Variants in EGF observed in about 807,000 individuals in gnomAD.
EGF encodes the protein epidermal growth factor.
In EGF, 95 loss-of-function variants were observed where a neutral mutation model predicts 143.8. The observed-to-expected ratio is 0.66, with a 90% CI of 0.56 to 0.78. The LOEUF is 0.78. EGF is among the 30% of genes least tolerant of loss of function. EGF has a pLI of 0.00. For synonymous variants in EGF, 510 were observed against 510.5 expected, an observed-to-expected ratio of 1.00 and a Z score of 0.01; for missense variants, 1,320 against 1,470.9, an observed-to-expected ratio of 0.90 and a Z score of 1.68.
chr4:109,913,614 C>G (rs2125914411), intron 1 of EGF, 152 bp downstream of exon 1: 1 of 1,110,480 alleles, frequency 9.0e-7, no homozygotes, highest in East Asian at 2.7e-5. Flanking sequence ...TGTTTATTTT[C>G]TTACTGGCCA....
intron 20 of EGF, among the ~76,000 whole-genome samples, chr4:109,997,001 A>C (rs1267487047): frequency 6.8e-6 from 1 of 147,920 alleles, no homozygotes; most frequent in Non-Finnish European, 1.5e-5. Context: ...TCTACCCTCA[A>C]TTTTTTTTTT....
chr4:109,956,465 A>G (rs1242506818), intron 5 of EGF, among the ~76,000 whole-genome samples: 1 of 152,236 alleles, frequency 6.6e-6, no homozygotes, highest in Non-Finnish European at 1.5e-5. Context: ...GTTAACTTGT[A>G]CAGTTTGTAA....
intron 13 of EGF, among the ~76,000 whole-genome samples, chr4:109,976,627 T>C (rs1411408434): frequency 6.6e-6 from 1 of 152,224 alleles, no homozygotes; most frequent in African/African-American, 2.4e-5. Context: ...ATTAATATAG[T>C]TTCCTCCCCT....
In EGF at chr4:109,943,823, G is replaced by T; in HGVS notation, c.510-19G>T. The T allele has an allele frequency of 6.2e-7, 1 of 1,609,480 alleles. No individual in the cohort carries two copies. The highest frequency in any genetic ancestry group is 8.5e-7 in the Non-Finnish European group (1 of 1,175,794). ...ACTATACATTCATTTTTGGGTCTAT[G>T]TAATGTGTTTGCCCTCAGGTTTATA... is the stretch of plus-strand genomic sequence containing the variant. On this transcript the variant is annotated intron_variant, in intron 3 of 23. Coordinates refer to ENST00000265171, the MANE Select transcript of EGF (RefSeq NM_001963.6).
chr4:109,965,104 C>G (rs1746337046), intron 10 of EGF, among the ~76,000 whole-genome samples: 1 of 152,076 alleles, frequency 6.6e-6, no homozygotes, highest in African/African-American at 2.4e-5. Context: ...CTTAGAATTT[C>G]TGTATCAGCT....
At chr4:109,999,970 G>A (rs1425101788) in intron 21 of EGF, 124 bp downstream of exon 21, 3 of 1,439,838 alleles carry the variant, frequency 2.1e-6, no homozygotes, top group Non-Finnish European at 2.9e-6. Context: ...ACGTGAAATA[G>A]GCTGGGTGCA....
intron 8 of EGF, among the ~76,000 whole-genome samples, chr4:109,962,207 G>T (rs1478690861): frequency 1.3e-5 from 2 of 152,146 alleles, no homozygotes; most frequent in African/African-American, 4.8e-5. Context: ...TATGAGCAAG[G>T]GCTTTGAGGC....
At position 109,983,427 on chromosome 4, in the gene EGF, G is replaced by A; in HGVS notation, c.2377G>A (p.Glu793Lys). The change falls in exon 16 of 24, where the codon GAA (glutamate) becomes AAA (lysine). Residue 793 changes from glutamate (E) to lysine (K), a missense_variant. By Grantham distance (56) the Glu-to-Lys change is moderately conservative. Around this residue, in one of 5 missense-constraint regions of EGF, gnomAD observed 1,186 missense variants for 1,313.7 expected, o/e 0.90. Coordinates refer to ENST00000265171, the MANE Select transcript of EGF (RefSeq NM_001963.6). ...LDGHQLLAGGEVDLKNQVTPL... is the reference protein window; with the variant it reads ...LDGHQLLAGGKVDLKNQVTPL... ...CATCTATTGACCTTCAATAGGTGGT[G>A]AAGTTGATCTAAAGAACCAAGTAAC... The A allele has an allele frequency of 1.2e-6, 2 of 1,613,456 alleles. No homozygotes were observed. The highest frequency in any genetic ancestry group is 1.7e-6 in the Non-Finnish European group (2 of 1,179,690).
intron 16 of EGF, 102 bp from the exon 17 acceptor site, chr4:109,987,642 T>A: frequency 1.1e-6 from 1 of 950,878 alleles, no homozygotes; most frequent in Non-Finnish European, 1.7e-6. Flanking sequence ...TCCCAGAACT[T>A]GGGAAAGGAA....
intron 14 of EGF, 86 bp downstream of exon 14, chr4:109,980,225 G>A (rs550828651): frequency 5.0e-6 from 7 of 1,396,114 alleles, no homozygotes; most frequent in Admixed American, 2.4e-5. Flanking sequence ...TTGGCGGGGG[G>A]GTGGAGGGGA....
chr4:109,931,485 T>A (rs753477415), intron 1 of EGF, among the ~76,000 whole-genome samples: 1 of 152,178 alleles, frequency 6.6e-6, no homozygotes, highest in Admixed American at 6.5e-5. Flanking sequence ...GTTGGAAGTG[T>A]ACTAGATTGC....
At chr4:109,997,296 T>C (rs940368678) in intron 20 of EGF, among the ~76,000 whole-genome samples, 4 of 152,136 alleles carry the variant, frequency 2.6e-5, no homozygotes, top group Non-Finnish European at 5.9e-5. Flanking sequence ...AGGAGCAGTA[T>C]AGGGAGGTTC....
intron 21 of EGF, among the ~76,000 whole-genome samples, chr4:110,000,743 A>G (rs1400177255): frequency 1.3e-5 from 2 of 152,214 alleles, no homozygotes; most frequent in Non-Finnish European, 2.9e-5. Context: ...CTCTATTATC[A>G]TCAATATTGA....
At position 109,960,946 on chromosome 4, in the gene EGF, C is replaced by G. The variant is rs1234170249; in HGVS notation, c.1146C>G (p.Cys382Trp). Reference sequence around the variant, plus strand: ...CCCCTGGATCCTATTACTGCACGTGCCCTGTAGGATTTGTTCTGCTTCCTG... The same window carrying G: ...CCCCTGGATCCTATTACTGCACGTGGCCTGTAGGATTTGTTCTGCTTCCTG... ...KNTPGSYYCT[C>W]PVGFVLLPDG... is the part of the protein sequence containing the mutation. Residue 382 changes from cysteine to tryptophan, a missense_variant, in exon 7 of 24, where the codon TGC becomes TGG. Physicochemically the swap from Cys to Trp is radical, Grantham distance 215. Around this residue, in one of 5 missense-constraint regions of EGF, gnomAD observed 1,186 missense variants for 1,313.7 expected, o/e 0.90. Transcript: ENST00000265171. 2 of 1,613,854 alleles carry G rather than the reference C, an allele frequency of 1.2e-6. No homozygotes were observed. Among genetic ancestry groups the G allele is most frequent in the African/African-American group, 2.7e-5 (2 of 75,012 alleles).
chr4:109,974,465 G>T (rs1748161712), intron 11 of EGF, among the ~76,000 whole-genome samples: 1 of 151,996 alleles, frequency 6.6e-6, no homozygotes. Context: ...TTCATTACCT[G>T]GAATAAATAT....
chr4:110,011,066 T>A, intron 23 of EGF, 136 bp from the exon 24 acceptor site: 1 of 997,148 alleles, frequency 1.0e-6, no homozygotes, highest in Non-Finnish European at 1.5e-6. Flanking sequence ...AAAAAATGTG[T>A]CTAGAGTAGT....
intron 11 of EGF, among the ~76,000 whole-genome samples, chr4:109,970,512 T>C (rs147405175): frequency 1.3e-5 from 2 of 152,250 alleles, no homozygotes; most frequent in Non-Finnish European, 2.9e-5. Flanking sequence ...AGGCATTTTG[T>C]GTCCTAGAAA....
chr4:109,989,639 G>C (rs956720973), intron 18 of EGF, among the ~76,000 whole-genome samples: 4 of 152,108 alleles, frequency 2.6e-5, no homozygotes, highest in Non-Finnish European at 5.9e-5. Flanking sequence ...GCACATATTT[G>C]GCTGTCAGTC....
At chr4:110,000,287 A>G (rs536517157) in intron 21 of EGF, among the ~76,000 whole-genome samples, 1 of 151,244 alleles carries the variant, frequency 6.6e-6, no homozygotes, top group South Asian at 2.1e-4. Flanking sequence ...ATAACAGTAC[A>G]ATTTTTACTG....
Sources: allele counts gnomAD v4.1 joint callset (sites outside exome capture counted in the v4.1 genomes callset), GRCh38; gene constraint gnomAD v4.1.1; regional missense constraint gnomAD v4.1.1; transcripts MANE v1.5; gene names NCBI Gene and HGNC (gene_info 2026-07-23, HGNC 2026-07-21).